Variants in AGAP3 observed in about 807,000 individuals in gnomAD.
AGAP3 encodes arf-GAP with GTPase, ANK repeat and PH domain-containing protein 3.
In AGAP3, 24 loss-of-function variants were observed where a neutral mutation model predicts 96.9. That is an observed-to-expected ratio of 0.25 (90% confidence interval 0.18 to 0.35). AGAP3 has a LOEUF of 0.35. AGAP3 is among the 10% of genes least tolerant of loss of function. AGAP3 has a pLI of 1.00. For synonymous variants in AGAP3, 563 were observed against 536.1 expected, an observed-to-expected ratio of 1.05 and a Z score of -0.69; for missense variants, 876 against 1,254.2, an observed-to-expected ratio of 0.70 and a Z score of 4.55.
chr7:151,140,238 G>A lies in AGAP3; in HGVS notation c.1804+122G>A. ...TCAGTGGATTAAGCACTTTCTAGTA[G>A]TTGCTAATCAAAGTAGTTCTACAGC... is the stretch of plus-strand genomic sequence containing the variant. On this transcript the variant is annotated intron_variant, in intron 13 of 17. Transcript: ENST00000397238. The surrounding 1 kb of genome is among the most constrained non-coding windows in gnomAD (Gnocchi z 5.4). The A allele has an allele frequency of 8.6e-7, 1 of 1,164,906 alleles. No individual in the cohort carries two copies. 72.2% of individuals were successfully genotyped at this position (1,164,906 alleles called of 1,614,324 possible).
chr7:151,116,893 G>GA, intron 2 of AGAP3, 42 bp downstream of exon 2: 1 of 1,610,548 alleles, frequency 6.2e-7, no homozygotes, highest in East Asian at 2.2e-5. Flanking sequence ...CTGGAGCTGG[G>GA]GGGGCGAGGC....
chr7:151,141,632 G>A lies in AGAP3; in HGVS notation c.1805-266G>A. On this transcript the variant is annotated intron_variant, in intron 13 of 17. Transcript: ENST00000397238. This position sits in a 1 kb window ranked among gnomAD's most constrained non-coding sequence, Gnocchi z 4.2. ...ACACCCATTCCCGGCAGTGCCAGGG[G>A]TGCCAAGATCTTGCATCCCCCATCT... 8.2e-6 allele frequency: 4 copies of A among 488,382 alleles called. No homozygotes were observed. The highest frequency in any genetic ancestry group is 2.3e-5 in the South Asian group (1 of 43,258). 30.3% of individuals were successfully genotyped at this position (488,382 alleles called of 1,614,324 possible). A position where few individuals can be genotyped will look rare whatever the true frequency, so the allele number is the denominator to read the frequency against.
rs1800880216 is a variant in AGAP3, at chr7:151,142,992, T to G, written c.2274-349T>G. ...CAGTGCAGGCCCCCACCCGCTTTGT[T>G]CCAGCACTGCCAATCCAAGAGAGTT... is the stretch of plus-strand genomic sequence containing the variant. On this transcript the variant is annotated intron_variant, in intron 16 of 17. Transcript: ENST00000397238. This position sits in a 1 kb window ranked among gnomAD's most constrained non-coding sequence, Gnocchi z 7.5. Among the ~76,000 whole-genome samples the G allele has an allele frequency of 6.6e-6, 1 of 152,058 alleles. No homozygotes were observed. Among genetic ancestry groups the G allele is most frequent in the African/African-American group, 2.4e-5 (1 of 41,386 alleles).
chr7:151,124,338 C>T (rs977268673), intron 9 of AGAP3, among the ~76,000 whole-genome samples: 1 of 152,206 alleles, frequency 6.6e-6, no homozygotes, highest in African/African-American at 2.4e-5. Context: ...AAGTAGACTA[C>T]CTCCTCACCT....
Position 151,118,046 on chromosome 7 carries a change from G to GCAAACCCTT in AGAP3, c.707-163_707-162insAAACCCTTC. On this transcript the variant is annotated intron_variant, in intron 5 of 17. Transcript: ENST00000397238. The surrounding 1 kb of genome is among the most constrained non-coding windows in gnomAD (Gnocchi z 6.1). ...TGCTTGCTGGTTTGCACTCAGTGAGGCCATGGAAGGGTTGAAATGAGACCC... is the reference window on the plus strand; with the variant it reads ...TGCTTGCTGGTTTGCACTCAGTGAGGCAAACCCTTCCATGGAAGGGTTGAAATGAGACCC... 1 of 995,388 alleles carries GCAAACCCTT rather than the reference G, an allele frequency of 1.0e-6. No individual in the cohort carries two copies. The highest frequency in any genetic ancestry group is 1.7e-5 in the South Asian group (1 of 57,882). The allele number at this position is 995,388 out of a possible 1,614,324, so 61.7% of individuals were successfully genotyped here.
intron 9 of AGAP3, 200 bp from the exon 10 acceptor site, chr7:151,128,380 G>A (rs1469504460): frequency 1.4e-5 from 8 of 556,558 alleles, no homozygotes; most frequent in Non-Finnish European, 2.3e-5. Context: ...ATGGATGATG[G>A]GGGAGAGCCG....
In AGAP3 at chr7:151,141,001, C is replaced by T. The variant is rs1800792422; in HGVS notation, c.1804+885C>T. ...GAGGAATTCCAGGGGATGTCGGTGTCACTGAGGTGAGGCTGCCTGGGGCCA... is the reference window on the plus strand; with the variant it reads ...GAGGAATTCCAGGGGATGTCGGTGTTACTGAGGTGAGGCTGCCTGGGGCCA... On this transcript the variant is annotated intron_variant, in intron 13 of 17. Transcript: ENST00000397238. The surrounding 1 kb of genome is among the most constrained non-coding windows in gnomAD (Gnocchi z 4.2). The T allele has an allele frequency of 6.6e-6, 1 of 152,228 alleles. No homozygotes were observed. Among genetic ancestry groups the T allele is most frequent in the African/African-American group, 2.4e-5 (1 of 41,404 alleles). The allele number at this position is 152,228 out of a possible 1,614,324, so 9.4% of individuals were successfully genotyped here.
At chr7:151,097,709 C>A (rs1460833230) in intron 1 of AGAP3, among the ~76,000 whole-genome samples, 1 of 151,860 alleles carries the variant, frequency 6.6e-6, no homozygotes, top group African/African-American at 2.4e-5. Context: ...GGGCGCTACA[C>A]TCTTCAACAG....
intron 1 of AGAP3, 79 bp downstream of exon 1, chr7:151,087,151 T>C (rs1443674086): frequency 1.4e-6 from 2 of 1,445,542 alleles, no homozygotes; most frequent in South Asian, 2.4e-5. Flanking sequence ...AGGCCGTGCC[T>C]GGCCATGCTC....
Position 151,123,895 on chromosome 7 carries a change from C to T in AGAP3, c.1221+9C>T. On this transcript the variant is annotated intron_variant, in intron 9 of 17. Coordinates refer to ENST00000397238, the MANE Select transcript of AGAP3 (RefSeq NM_031946.7). ...CCATCCCCATCAAGCAGGTCAGCGCCTCCCTTCCCGTGTGCTCCAGGGCTC... is the reference window on the plus strand; with the variant it reads ...CCATCCCCATCAAGCAGGTCAGCGCTTCCCTTCCCGTGTGCTCCAGGGCTC... The T allele has an allele frequency of 6.2e-7, 1 of 1,603,554 alleles. No individual in the cohort carries two copies.
chr7:151,112,562 C>T (rs1799341874), intron 1 of AGAP3, among the ~76,000 whole-genome samples: 1 of 152,130 alleles, frequency 6.6e-6, no homozygotes, highest in Admixed American at 6.6e-5. Context: ...ATCCCCTCTC[C>T]GTCTCCAGAG....
intron 11 of AGAP3, among the ~76,000 whole-genome samples, 163 bp downstream of exon 11, chr7:151,134,731 G>A (rs1285699702): frequency 1.3e-5 from 2 of 152,234 alleles, no homozygotes; most frequent in Non-Finnish European, 2.9e-5. Context: ...CGCAGCCCTC[G>A]TGGAGTTAGT....
At chr7:151,095,268 T>C (rs1798555307) in intron 1 of AGAP3, among the ~76,000 whole-genome samples, 1 of 152,246 alleles carries the variant, frequency 6.6e-6, no homozygotes, top group Admixed American at 6.5e-5. Flanking sequence ...TCGGCCTCAA[T>C]GTGCCCTGAG....
chr7:151,107,346 A>G (rs1799100501), intron 1 of AGAP3, among the ~76,000 whole-genome samples: 1 of 148,426 alleles, frequency 6.7e-6, no homozygotes, highest in Non-Finnish European at 1.5e-5. Flanking sequence ...TTTTGGGGCC[A>G]GGCACGATGG....
chr7:151,087,101 G>A (rs1798186519), intron 1 of AGAP3, 29 bp downstream of exon 1: 2 of 1,565,200 alleles, frequency 1.3e-6, no homozygotes, highest in Non-Finnish European at 1.7e-6. Flanking sequence ...TGCGGGAGCC[G>A]GGGCGCAGTG....
At position 151,123,874 on chromosome 7, in the gene AGAP3, C is replaced by A; in HGVS notation, c.1209C>A (p.Ile403=). The change falls in exon 9 of 18, where the codon ATC becomes ATA. Residue 403 remains isoleucine, a synonymous_variant. Coordinates refer to ENST00000397238, the MANE Select transcript of AGAP3 (RefSeq NM_031946.7). ...ACAGCATCGGGAGCGGCCGCGCCAT[C>A]CCCATCAAGCAGGTCAGCGCCTCCC... ...KVDSIGSGRA[I]PIKQGILLKR... 1 of 1,608,612 alleles carries A rather than the reference C, an allele frequency of 6.2e-7. No individual in the cohort carries two copies. The highest frequency in any genetic ancestry group is 8.5e-7 in the Non-Finnish European group (1 of 1,179,812).
intron 1 of AGAP3, among the ~76,000 whole-genome samples, chr7:151,113,687 A>G: frequency 6.6e-6 from 1 of 152,328 alleles, no homozygotes; most frequent in East Asian, 1.9e-4. Context: ...TGAGGCAGCC[A>G]GTGGTTTCTG....
intron 1 of AGAP3, chr7:151,115,782 C>G (rs1799547490): frequency 2.2e-6 from 1 of 445,970 alleles, no homozygotes; most frequent in African/African-American, 2.1e-5. Context: ...CCGCGCCTGG[C>G]GTCTGGGGTC....
chr7:151,111,191 A>G (rs1077122), intron 1 of AGAP3, among the ~76,000 whole-genome samples: 124,837 of 152,152 alleles, frequency 0.82, 51,869 homozygotes, highest in East Asian at 0.98. Context: ...CAGCCTTCCC[A>G]GCCACTGCCT....
Sources: allele counts gnomAD v4.1 joint callset (sites outside exome capture counted in the v4.1 genomes callset), GRCh38; gene constraint gnomAD v4.1.1; non-coding constraint Gnocchi (gnomAD v3.1); transcripts MANE v1.5; gene names NCBI Gene and HGNC (gene_info 2026-07-23, HGNC 2026-07-21).